SHISA9: variants seen among roughly 807,000 people sequenced by gnomAD.
The protein encoded by SHISA9 is shisa family member 9, also known as protein shisa-9.
SHISA9 carries 13 observed loss-of-function variants against 38.0 expected under a neutral mutation model. That is an observed-to-expected ratio of 0.34 (90% CI 0.22 to 0.54). SHISA9 has a LOEUF of 0.54. SHISA9 is among the 20% of genes least tolerant of loss of function. The pLI, the probability that SHISA9 is intolerant of heterozygous loss-of-function variation, is 0.91. For synonymous variants in SHISA9, 275 were observed against 242.0 expected, an observed-to-expected ratio of 1.14 and a Z score of -1.27; for missense variants, 538 against 575.8, an observed-to-expected ratio of 0.93 and a Z score of 0.67.
At chr16:13,248,825 G>A in the SHISA9 span, among the ~76,000 whole-genome samples, 48 of 152,318 alleles carry the variant, frequency 3.2e-4, no homozygotes, top group South Asian at 9.5e-3. Flanking sequence ...AAACTGGTAA[G>A]GGGATGGCAG....
chr16:13,412,117 G>A, the SHISA9 span, among the ~76,000 whole-genome samples: 2 of 152,036 alleles, frequency 1.3e-5, no homozygotes, highest in Non-Finnish European at 2.9e-5. Context: ...GTACAGAAAG[G>A]GACACGTTTC....
At chr16:13,295,472 C>A in the SHISA9 span, among the ~76,000 whole-genome samples, 3 of 152,174 alleles carry the variant, frequency 2.0e-5, no homozygotes, top group African/African-American at 7.2e-5. Context: ...GGCCAGTTCT[C>A]CTGCCCTGGC....
chr16:12,957,086 T>G (rs2071846199), intron 2 of SHISA9, among the ~76,000 whole-genome samples: 1 of 152,094 alleles, frequency 6.6e-6, no homozygotes, highest in Admixed American at 6.5e-5. Flanking sequence ...TTCTCCCTCC[T>G]TCCCTCCTTC....
chr16:13,446,858 T>C, the SHISA9 span, among the ~76,000 whole-genome samples: 2 of 151,846 alleles, frequency 1.3e-5, no homozygotes, highest in Non-Finnish European at 2.9e-5. Flanking sequence ...CACATGCCTG[T>C]AGTCCCAGCT....
At chr16:13,483,315 T>A in the SHISA9 span, among the ~76,000 whole-genome samples, 1 of 152,128 alleles carries the variant, frequency 6.6e-6, no homozygotes, top group Non-Finnish European at 1.5e-5. Context: ...GACTCAGAGA[T>A]ACTGGCATGC....
At chr16:13,348,099 G>C in the SHISA9 span, among the ~76,000 whole-genome samples, 2 of 152,134 alleles carry the variant, frequency 1.3e-5, no homozygotes, top group Non-Finnish European at 2.9e-5. Context: ...TAAGTCTGCG[G>C]TTAGTTGTTA....
At chr16:13,076,111 A>T (rs1228032781) in intron 2 of SHISA9, among the ~76,000 whole-genome samples, 1 of 150,450 alleles carries the variant, frequency 6.6e-6, no homozygotes, top group Non-Finnish European at 1.5e-5. Flanking sequence ...GCTTGCTGCA[A>T]CCTCCACCTC....
the SHISA9 span, among the ~76,000 whole-genome samples, chr16:13,251,751 G>A: frequency 2.0e-5 from 3 of 152,138 alleles, no homozygotes. Flanking sequence ...CCTGCACACA[G>A]TACCTTGCTC....
the SHISA9 span, among the ~76,000 whole-genome samples, chr16:13,391,567 G>A: frequency 2.0e-4 from 30 of 152,284 alleles, no homozygotes; most frequent in South Asian, 1.2e-3. Context: ...GGTTCGGGGG[G>A]AGTTCCAAGC....
At chr16:13,016,252 G>A (rs1415668278) in intron 2 of SHISA9, among the ~76,000 whole-genome samples, 1 of 151,918 alleles carries the variant, frequency 6.6e-6, no homozygotes, top group African/African-American at 2.4e-5. Flanking sequence ...TGGGATTACA[G>A]GTGTGAGCCA....
the SHISA9 span, among the ~76,000 whole-genome samples, chr16:13,380,735 A>G: frequency 3.9e-5 from 6 of 152,250 alleles, no homozygotes; most frequent in South Asian, 4.1e-4. Context: ...GTTTTGTTAC[A>G]TAGGTATACA....
At chr16:13,110,889 C>G (rs144955639) in intron 2 of SHISA9, among the ~76,000 whole-genome samples, 70 of 152,286 alleles carry the variant, frequency 4.6e-4, no homozygotes, top group African/African-American at 1.6e-3. Context: ...CCTCATGGGC[C>G]TGAAGGTATT....
At chr16:13,019,922 T>A (rs1487719918) in intron 2 of SHISA9, among the ~76,000 whole-genome samples, 3 of 95,988 alleles carry the variant, frequency 3.1e-5, no homozygotes, top group African/African-American at 1.1e-4. Flanking sequence ...TTTCTTTCTT[T>A]CTTTCTTTCT....
chr16:13,008,458 G>A (rs2072625557), intron 2 of SHISA9, among the ~76,000 whole-genome samples: 1 of 152,136 alleles, frequency 6.6e-6, no homozygotes, highest in Admixed American at 6.5e-5. Flanking sequence ...ATCTCATTTT[G>A]AATTGTAATC....
chr16:13,303,139 T>C, the SHISA9 span, among the ~76,000 whole-genome samples: 2 of 152,188 alleles, frequency 1.3e-5, no homozygotes, highest in African/African-American at 2.4e-5. Flanking sequence ...GCATTTGTGT[T>C]ATTTTCTCCA....
the SHISA9 span, among the ~76,000 whole-genome samples, chr16:13,393,959 C>T: frequency 6.6e-6 from 1 of 152,208 alleles, no homozygotes; most frequent in East Asian, 1.9e-4. Context: ...TGCACTCACA[C>T]TCTTTGCCAC....
chr16:13,081,378 G>A (rs1264308422), intron 2 of SHISA9, among the ~76,000 whole-genome samples: 2 of 152,178 alleles, frequency 1.3e-5, no homozygotes, highest in East Asian at 1.9e-4. Context: ...TATCATGGAT[G>A]TAAAAGGGTC....
the SHISA9 span, among the ~76,000 whole-genome samples, chr16:13,328,589 TATAC>T: frequency 4.4e-5 from 4 of 90,402 alleles, no homozygotes; most frequent in South Asian, 4.5e-4. Context: ...AATATATGTG[TATAC>T]ACACACACAC....
At chr16:12,996,241 G>T (rs1355643141) in intron 2 of SHISA9, among the ~76,000 whole-genome samples, 1 of 152,090 alleles carries the variant, frequency 6.6e-6, no homozygotes, top group African/African-American at 2.4e-5. Context: ...TTAATTTCCA[G>T]CATTGAAAAA....
Sources: gnomAD v4.1 joint callset for allele counts (sites outside exome capture counted in the v4.1 genomes callset) on GRCh38, gnomAD v4.1.1 for gene constraint, MANE v1.5 for transcripts, NCBI Gene and HGNC (gene_info 2026-07-23, HGNC 2026-07-21) for gene names.